CTNNA3: variants seen among roughly 807,000 people sequenced by gnomAD.
CTNNA3 encodes catenin alpha 3.
CTNNA3 carries 76 observed loss-of-function variants against 95.7 expected under a neutral mutation model. The ratio of observed to expected loss-of-function variants is 0.79; its 90% CI spans 0.66 to 0.96. CTNNA3 has a LOEUF of 0.96. Among genes scored for constraint, CTNNA3 ranks in the 40% least tolerant of loss-of-function variants. The pLI is 0.00. For missense variants in CTNNA3, 1,191 were observed against 1,089.8 expected, an observed-to-expected ratio of 1.09 and a Z score of -1.31; for synonymous variants, 431 against 374.4, an observed-to-expected ratio of 1.15 and a Z score of -1.74.
At chr10:66,919,487 C>T (rs1846677963) in intron 7 of CTNNA3, among the ~76,000 whole-genome samples, 1 of 152,196 alleles carries the variant, frequency 6.6e-6, no homozygotes, top group East Asian at 1.9e-4. Context: ...GCAATAAAAC[C>T]TGAGAATATG....
At chr10:67,621,486 A>G (rs1192368272) in intron 2 of CTNNA3, among the ~76,000 whole-genome samples, 1 of 152,156 alleles carries the variant, frequency 6.6e-6, no homozygotes, top group Non-Finnish European at 1.5e-5. Flanking sequence ...GCAGTGGCTC[A>G]CGCCTGTAAT....
intron 1 of CTNNA3, among the ~76,000 whole-genome samples, chr10:67,654,224 A>G (rs1839957654): frequency 6.6e-6 from 1 of 152,216 alleles, no homozygotes; most frequent in Non-Finnish European, 1.5e-5. Flanking sequence ...ATTTGAAGGT[A>G]TATTTCTCAA....
At position 66,097,292 on chromosome 10, in the gene CTNNA3, G is replaced by A. The variant is rs188714489; in HGVS notation, c.1977+5865C>T. Reference sequence around the variant, plus strand: ...AGTCAGAGAGATTTGTATTTACAAAGCTCCCTGAGCTACTCAATAAAAAGT... The same window carrying A: ...AGTCAGAGAGATTTGTATTTACAAAACTCCCTGAGCTACTCAATAAAAAGT... On this transcript the variant is annotated intron_variant, in intron 14 of 17. Transcript: ENST00000433211. 2.0e-5 allele frequency among the ~76,000 whole-genome samples: 3 copies of A among 152,192 alleles called. No homozygotes were observed. The East Asian group carries it at 5.8e-4, about 29-fold the overall frequency.
intron 7 of CTNNA3, among the ~76,000 whole-genome samples, chr10:67,143,447 A>AAAAAAAAAAAAAAAAAAAAC (rs1860690476): frequency 6.7e-6 from 1 of 150,302 alleles, no homozygotes; most frequent in Non-Finnish European, 1.5e-5. Flanking sequence ...AAAAAAAAAA[A>AAAAAAAAAAAAAAAAAAAAC]TTATCTGTAG....
intron 1 of CTNNA3, among the ~76,000 whole-genome samples, chr10:67,686,545 C>T (rs180918508): frequency 0.017 from 2,589 of 152,110 alleles, 72 homozygotes; most frequent in African/African-American, 0.058. Context: ...TCTAAGCAGG[C>T]GGTTGTCTGA....
intron 7 of CTNNA3, among the ~76,000 whole-genome samples, chr10:66,786,811 G>A (rs1163907244): frequency 1.3e-5 from 2 of 152,132 alleles, no homozygotes; most frequent in African/African-American, 2.4e-5. Flanking sequence ...TAAGAAATAT[G>A]TAGAATATTG....
intron 11 of CTNNA3, among the ~76,000 whole-genome samples, chr10:66,430,994 A>C (rs1225200107): frequency 1.3e-5 from 2 of 152,168 alleles, no homozygotes; most frequent in Non-Finnish European, 2.9e-5. Context: ...AAATTTTTGC[A>C]AACTACTCAT....
At chr10:67,485,266 T>C (rs1848398839) in intron 5 of CTNNA3, among the ~76,000 whole-genome samples, 1 of 152,124 alleles carries the variant, frequency 6.6e-6, no homozygotes, top group Non-Finnish European at 1.5e-5. Context: ...GAGCTAAACA[T>C]TGGATACTCA....
At chr10:67,291,807 G>T (rs1472582530) in intron 5 of CTNNA3, among the ~76,000 whole-genome samples, 1 of 152,116 alleles carries the variant, frequency 6.6e-6, no homozygotes, top group Non-Finnish European at 1.5e-5. Context: ...TAGAGACCAA[G>T]GGAAAACTCC....
chr10:67,421,138 T>A (rs952298061), intron 5 of CTNNA3, among the ~76,000 whole-genome samples: 1 of 152,134 alleles, frequency 6.6e-6, no homozygotes, highest in East Asian at 1.9e-4. Context: ...TCAAAAGACA[T>A]CAATAAAATC....
intron 12 of CTNNA3, among the ~76,000 whole-genome samples, chr10:66,290,914 A>G (rs1461240252): frequency 6.6e-6 from 1 of 152,174 alleles, no homozygotes; most frequent in Non-Finnish European, 1.5e-5. Flanking sequence ...AATGATGTAA[A>G]TTGATATTCT....
intron 10 of CTNNA3, among the ~76,000 whole-genome samples, chr10:66,531,829 TA>T (rs1380707343): frequency 1.3e-5 from 2 of 151,960 alleles, no homozygotes; most frequent in Non-Finnish European, 2.9e-5. Flanking sequence ...TTTAAAGTAA[TA>T]AAAATACTTT....
At chr10:67,570,244 T>C (rs957891728) in intron 3 of CTNNA3, among the ~76,000 whole-genome samples, 1 of 152,096 alleles carries the variant, frequency 6.6e-6, no homozygotes, top group African/African-American at 2.4e-5. Context: ...CCACATCGTC[T>C]TTCTCTTTCC....
At chr10:67,446,356 A>G (rs1043379031) in intron 5 of CTNNA3, among the ~76,000 whole-genome samples, 1 of 152,114 alleles carries the variant, frequency 6.6e-6, no homozygotes, top group Non-Finnish European at 1.5e-5. Context: ...CTCTCAATGC[A>G]GCAGATAGGG....
At chr10:66,006,075 C>T (rs57550838) in intron 15 of CTNNA3, among the ~76,000 whole-genome samples, 52 of 147,540 alleles carry the variant, frequency 3.5e-4, no homozygotes, top group African/African-American at 1.1e-3. Context: ...AGCAGTGGCA[C>T]GATCTCGGCT....
intron 13 of CTNNA3, among the ~76,000 whole-genome samples, chr10:66,186,525 T>G (rs2086354164): frequency 6.6e-6 from 1 of 152,140 alleles, no homozygotes; most frequent in Non-Finnish European, 1.5e-5. Context: ...TGAATTAAAT[T>G]AGAAATTCAT....
At chr10:66,137,143 T>G (rs1338173226) in intron 13 of CTNNA3, among the ~76,000 whole-genome samples, 1 of 152,154 alleles carries the variant, frequency 6.6e-6, no homozygotes, top group Non-Finnish European at 1.5e-5. Flanking sequence ...ATAATGACCA[T>G]GTTTAACAAC....
At chr10:67,010,773 C>T (rs763806388) in intron 7 of CTNNA3, among the ~76,000 whole-genome samples, 1 of 152,188 alleles carries the variant, frequency 6.6e-6, no homozygotes, top group Non-Finnish European at 1.5e-5. Flanking sequence ...TGCTGAACTC[C>T]TCCACAGAAA....
At chr10:66,416,634 A>C (rs1333528790) in intron 11 of CTNNA3, among the ~76,000 whole-genome samples, 1 of 151,978 alleles carries the variant, frequency 6.6e-6, no homozygotes, top group Non-Finnish European at 1.5e-5. Flanking sequence ...GAAACCTTAT[A>C]GGCCAGGAGA....
Sources: gnomAD v4.1 joint callset for allele counts (sites outside exome capture counted in the v4.1 genomes callset) on GRCh38, gnomAD v4.1.1 for gene constraint, MANE v1.5 for transcripts, NCBI Gene and HGNC (gene_info 2026-07-23, HGNC 2026-07-21) for gene names.